Variants in CDKN2AIP observed in about 807,000 individuals in gnomAD.
CDKN2AIP encodes the protein CDKN2A interacting protein, also known as CDKN2A-interacting protein.
In CDKN2AIP, 12 loss-of-function variants were observed where a neutral mutation model predicts 44.1. That is an observed-to-expected ratio of 0.27 (90% CI 0.17 to 0.44). The LOEUF is 0.44. Ranked by LOEUF, CDKN2AIP falls within the 20% of genes least tolerant of loss-of-function variation. The probability of loss-of-function intolerance (pLI) is 1.00; values close to 1 mark genes in which losing one functional copy is unlikely to be tolerated. For missense variants in CDKN2AIP, 705 were observed against 681.6 expected (o/e 1.03, Z -0.38); for synonymous variants, 291 against 272.1 (o/e 1.07, Z -0.68).
In CDKN2AIP at chr4:183,444,956, C is replaced by G; in HGVS notation, c.159C>G (p.Ala53=). The G allele has an allele frequency of 6.2e-7, 1 of 1,611,628 alleles. No individual in the cohort carries two copies. Among genetic ancestry groups the G allele is most frequent in the Non-Finnish European group, 8.5e-7 (1 of 1,179,018 alleles). Residue 53 remains alanine (A), a synonymous_variant, in exon 1 of 3, where the codon GCC becomes GCG. Transcript: ENST00000504169. ...AGDLAPAGGA[A]SASTDEAADA... ...ACCTGGCCCCCGCTGGCGGCGCTGCCTCCGCTAGCACGGATGAAGCTGCCG... is the reference window on the plus strand; with the variant it reads ...ACCTGGCCCCCGCTGGCGGCGCTGCGTCCGCTAGCACGGATGAAGCTGCCG...
rs369817257 is a variant in CDKN2AIP, at chr4:183,444,677, T to G, written c.-121T>G. On this transcript the variant is annotated 5_prime_UTR_variant, in exon 1 of 3. Transcript: ENST00000504169. Reference sequence around the variant, plus strand: ...GCTCTGGGCGCTGTTGTTTGGTCTTTAGGCCTGCGGAGGGGCGTTATCTGG... The same window carrying G: ...GCTCTGGGCGCTGTTGTTTGGTCTTGAGGCCTGCGGAGGGGCGTTATCTGG... 9.9e-7 allele frequency: 1 copy of G among 1,008,762 alleles called. No individual in the cohort carries two copies. Among genetic ancestry groups the G allele is most frequent in the Non-Finnish European group, 1.4e-6 (1 of 720,676 alleles). 62.5% of individuals were successfully genotyped at this position (1,008,762 alleles called of 1,614,324 possible).
At position 183,444,847 on chromosome 4, in the gene CDKN2AIP, C is replaced by T. The variant is rs1356372277; in HGVS notation, c.50C>T (p.Ala17Val). 4 of 1,571,486 alleles carry T rather than the reference C, an allele frequency of 2.5e-6. No individual in the cohort carries two copies. The highest frequency in any genetic ancestry group is 2.3e-5 in the East Asian group (1 of 42,644). Residue 17 changes from alanine to valine, a missense_variant, in exon 1 of 3, where the codon GCC (alanine) becomes GTC (valine). By Grantham distance (64) the Ala-to-Val change is moderately conservative (BLOSUM62 0). Transcript: ENST00000504169. Reference protein sequence around the residue: ...EYLSQNPRVAAWVEALRCDGE... With the variant: ...EYLSQNPRVAVWVEALRCDGE... ...CTGAGCCAGAACCCGCGGGTGGCAG[C>T]CTGGGTGGAGGCGCTGCGCTGCGAC...
At position 183,444,661 on chromosome 4, in the gene CDKN2AIP, G is replaced by T; in HGVS notation, c.-137G>T. ...AGTGGGCGGTTCGGCGGCTCTGGGC[G>T]CTGTTGTTTGGTCTTTAGGCCTGCG... On this transcript the variant is annotated 5_prime_UTR_variant, in exon 1 of 3. Coordinates refer to ENST00000504169, the MANE Select transcript of CDKN2AIP (RefSeq NM_017632.4). The T allele has an allele frequency of 1.3e-6, 1 of 784,212 alleles. No individual in the cohort carries two copies. The highest frequency in any genetic ancestry group is 3.3e-5 in the East Asian group (1 of 30,522). 48.6% of individuals were successfully genotyped at this position (784,212 alleles called of 1,614,324 possible). A position where few individuals can be genotyped will look rare whatever the true frequency, so the allele number is the denominator to read the frequency against.
In CDKN2AIP at chr4:183,447,396, C is replaced by T; in HGVS notation, c.1712C>T (p.Pro571Leu). 1 of 1,545,952 alleles carries T rather than the reference C, an allele frequency of 6.5e-7. No homozygotes were observed. Among genetic ancestry groups the T allele is most frequent in the Non-Finnish European group, 8.7e-7 (1 of 1,151,040 alleles). Residue 571 changes from proline to leucine, a missense_variant, in exon 3 of 3, where the codon CCA (proline) becomes CTA (leucine). Transcript: ENST00000504169. ...DEESRPVNLPPALKHPQELL is the reference protein window; with the variant it reads ...DEESRPVNLPLALKHPQELL ...GAATCGAGGCCTGTAAACTTACCTC[C>T]AGCACTAAAACATCCTCAAGAATTA...
rs772109766 is a variant in CDKN2AIP at position 183,444,970 on chromosome 4, A to T, written c.173A>T (p.Asp58Val). ...GGCGGCGCTGCCTCCGCTAGCACGG[A>T]TGAAGCTGCCGACGCCGAGAGCGGG... ...PAGGAASAST[D>V]EAADAESGTR... Residue 58 changes from aspartate (D) to valine (V), a missense_variant, in exon 1 of 3, where the codon GAT becomes GTT. Physicochemically the swap from Asp to Val is radical, Grantham distance 152. This residue lies in a region of CDKN2AIP where 592 missense variants were observed against 518.0 expected (regional missense o/e 1.14). Transcript: ENST00000504169. The T allele has an allele frequency of 6.2e-7, 1 of 1,610,214 alleles. No individual in the cohort carries two copies. Among genetic ancestry groups the T allele is most frequent in the Admixed American group, 1.7e-5 (1 of 59,916 alleles).
chr4:183,445,584 A>T lies in CDKN2AIP; in HGVS notation c.322A>T (p.Lys108Ter). The change falls in exon 2 of 3, where the codon AAA (lysine) becomes TAA (stop). Residue 108 changes from lysine (K) to a stop codon, truncating the protein, a stop_gained. Coordinates refer to ENST00000504169, the MANE Select transcript of CDKN2AIP (RefSeq NM_017632.4). LOFTEE classifies it high-confidence loss of function. Reference protein sequence around the residue: ...DKILSMAEGIKVTDAPTYTTR... With the variant: ...DKILSMAEGI ...AATACTTAGTATGGCTGAAGGCATC[A>T]AAGTGACAGATGCTCCAACCTATAC... The T allele has an allele frequency of 6.2e-7, 1 of 1,608,314 alleles. No individual in the cohort carries two copies. Among genetic ancestry groups the T allele is most frequent in the Non-Finnish European group, 8.5e-7 (1 of 1,174,688 alleles).
At position 183,445,050 on chromosome 4, in the gene CDKN2AIP, C is replaced by T. The variant is rs1395002465; in HGVS notation, c.253C>T (p.His85Tyr). ...LISFSMAWAN[H>Y]VFLGCRYPQK... Reference sequence around the variant, plus strand: ...CTCCTTTTCCATGGCCTGGGCGAACCACGTCTTCCTCGGGTGCCGGTGAGT... The same window carrying T: ...CTCCTTTTCCATGGCCTGGGCGAACTACGTCTTCCTCGGGTGCCGGTGAGT... Residue 85 changes from histidine (H) to tyrosine (Y), a missense_variant, in exon 1 of 3, where the codon CAC becomes TAC. By Grantham distance (83) the His-to-Tyr change is moderately conservative. Transcript: ENST00000504169. 3.8e-6 allele frequency: 6 copies of T among 1,587,852 alleles called. No individual in the cohort carries two copies. Among genetic ancestry groups the T allele is most frequent in the African/African-American group, 1.3e-5 (1 of 74,354 alleles).
chr4:183,446,461 C>T lies in CDKN2AIP; in HGVS notation c.777C>T (p.Ser259=). The T allele has an allele frequency of 6.2e-7, 1 of 1,613,908 alleles. No homozygotes were observed. The highest frequency in any genetic ancestry group is 8.5e-7 in the Non-Finnish European group (1 of 1,179,782). The change falls in exon 3 of 3, where the codon TCC becomes TCT. Residue 259 remains serine, a synonymous_variant. Transcript: ENST00000504169. Reference sequence around the variant, plus strand: ...GTGTGAATAGTCACATGACCCAATCCACTGATTCTAGACAACAAAGTGGAT... The same window carrying T: ...GTGTGAATAGTCACATGACCCAATCTACTGATTCTAGACAACAAAGTGGAT... ...KSSVNSHMTQ[S]TDSRQQSGSP...
At position 183,444,748 on chromosome 4, in the gene CDKN2AIP, A is replaced by C. The variant is rs768453921; in HGVS notation, c.-50A>C. 4.1e-6 allele frequency: 6 copies of C among 1,469,110 alleles called. No individual in the cohort carries two copies. Among genetic ancestry groups the C allele is most frequent in the African/African-American group, 1.4e-5 (1 of 70,434 alleles). The allele number at this position is 1,469,110 out of a possible 1,614,324, so 91.0% of individuals were successfully genotyped here. A position where few individuals can be genotyped will look rare whatever the true frequency, so the allele number is the denominator to read the frequency against. On this transcript the variant is annotated 5_prime_UTR_variant, in exon 1 of 3. Transcript: ENST00000504169. ...CAGTGACAGGGCCGCTCGCCCCGCTAGTCCTGCCTGTCTCCCGGTGCAGCT... is the reference window on the plus strand; with the variant it reads ...CAGTGACAGGGCCGCTCGCCCCGCTCGTCCTGCCTGTCTCCCGGTGCAGCT...
Position 183,447,419 on chromosome 4 carries a change from T to C in CDKN2AIP, c.1735T>C (p.Leu579=). The change falls in exon 3 of 3, where the codon TTA becomes CTA. Residue 579 remains leucine, a synonymous_variant. Coordinates refer to ENST00000504169, the MANE Select transcript of CDKN2AIP (RefSeq NM_017632.4). The part of the protein sequence containing the change: ...LPPALKHPQE[L]L ...TCCAGCACTAAAACATCCTCAAGAATTACTATAATGTGTCCAAAATATCAC... is the reference window on the plus strand; with the variant it reads ...TCCAGCACTAAAACATCCTCAAGAACTACTATAATGTGTCCAAAATATCAC... The C allele has an allele frequency of 6.5e-7, 1 of 1,531,112 alleles. No individual in the cohort carries two copies. The highest frequency in any genetic ancestry group is 1.3e-5 in the South Asian group (1 of 76,010). The allele number at this position is 1,531,112 out of a possible 1,614,324, so 94.8% of individuals were successfully genotyped here.
chr4:183,446,030 A>C, intron 2 of CDKN2AIP, 58 bp from the exon 3 acceptor site: 2 of 1,360,446 alleles, frequency 1.5e-6, no homozygotes, highest in Non-Finnish European at 2.0e-6. Flanking sequence ...TATTTGTCTC[A>C]TCACCCGTTT....
At chr4:183,445,487 G>A (rs904423312) in intron 1 of CDKN2AIP, 48 bp from the exon 2 acceptor site, 2 of 1,279,050 alleles carry the variant, frequency 1.6e-6, no homozygotes, top group Non-Finnish European at 2.2e-6. Context: ...GCACAAGTAG[G>A]ACCTTAGAAA....
In CDKN2AIP at chr4:183,447,005, A is replaced by G. The variant is rs765276188; in HGVS notation, c.1321A>G (p.Asn441Asp). Residue 441 changes from asparagine to aspartate, a missense_variant, in exon 3 of 3, where the codon AAT (asparagine) becomes GAT (aspartate). Coordinates refer to ENST00000504169, the MANE Select transcript of CDKN2AIP (RefSeq NM_017632.4). ...TGTGAAACAGAAGCAACCTTTTTTCAATAGACTATATAAAACGGTGGCATG... is the reference window on the plus strand; with the variant it reads ...TGTGAAACAGAAGCAACCTTTTTTCGATAGACTATATAAAACGGTGGCATG... ...EDVKQKQPFF[N>D]RLYKTVAWKL... 1.2e-6 allele frequency: 2 copies of G among 1,614,120 alleles called. No individual in the cohort carries two copies. The highest frequency in any genetic ancestry group is 1.1e-5 in the South Asian group (1 of 91,070).
At chr4:183,445,129 G>GGCCCGGC in intron 1 of CDKN2AIP, 60 bp downstream of exon 1, 1 of 1,512,014 alleles carries the variant, frequency 6.6e-7, no homozygotes, top group Non-Finnish European at 8.9e-7. Flanking sequence ...TGCAGACCGG[G>GGCCCGGC]GCCCGGCGCC....
chr4:183,444,638 TG>T lies in CDKN2AIP; in HGVS notation c.-157del. The stretch of plus-strand genomic sequence containing the variant: ...GGAAGAAGCCGGCGGTGGGCGGAAG[TG>T]GGCGGTTCGGCGGCTCTGGGCGCTG... On this transcript the variant is annotated 5_prime_UTR_variant, in exon 1 of 3. Transcript: ENST00000504169. The T allele has an allele frequency of 1.8e-6, 1 of 565,766 alleles. No individual in the cohort carries two copies. Among genetic ancestry groups the T allele is most frequent in the Non-Finnish European group, 2.8e-6 (1 of 355,010 alleles). The allele number at this position is 565,766 out of a possible 1,614,324, so 35.0% of individuals were successfully genotyped here. A position where few individuals can be genotyped will look rare whatever the true frequency, so the allele number is the denominator to read the frequency against.
chr4:183,446,319 G>C lies in CDKN2AIP; in HGVS notation c.635G>C (p.Ser212Thr), dbSNP rs1733676378. The C allele has an allele frequency of 3.1e-6, 5 of 1,614,098 alleles. No individual in the cohort carries two copies. Among genetic ancestry groups the C allele is most frequent in the Non-Finnish European group, 4.2e-6 (5 of 1,180,046 alleles). Residue 212 changes from serine to threonine, a missense_variant, in exon 3 of 3, where the codon AGC (serine) becomes ACC (threonine). Ser to Thr is a moderately conservative substitution (Grantham distance 58). Around this residue, in one of 2 missense-constraint regions of CDKN2AIP, gnomAD observed 592 missense variants for 518.0 expected, o/e 1.14. Coordinates refer to ENST00000504169, the MANE Select transcript of CDKN2AIP (RefSeq NM_017632.4). ...AGTGATGGAGATCGATCTGTTTCCAGCCAAAGCAGCAGCAGCGTTTCCTCT... is the reference window on the plus strand; with the variant it reads ...AGTGATGGAGATCGATCTGTTTCCACCCAAAGCAGCAGCAGCGTTTCCTCT... ...STSDGDRSVSSQSSSSVSSQV... is the reference protein window; with the variant it reads ...STSDGDRSVSTQSSSSVSSQV...
chr4:183,446,669 GT>G lies in CDKN2AIP; in HGVS notation c.988del (p.Ser330HisfsTer16). On this transcript the variant is annotated frameshift_variant, in exon 3 of 3. Transcript: ENST00000504169. LOFTEE classifies it high-confidence loss of function. ...LTSKTSSEASVSSSVAKNSSS... is the reference protein window; with the variant it reads ...LTSKTSSEASXSSSVAKNSSS... The stretch of plus-strand genomic sequence containing the variant: ...TTCCAAAACTAGTTCAGAGGCAAGT[GT>G]TTCATCATCAGTTGCTAAAAACAGT... The G allele has an allele frequency of 6.2e-7, 1 of 1,614,174 alleles. No individual in the cohort carries two copies. The highest frequency in any genetic ancestry group is 8.5e-7 in the Non-Finnish European group (1 of 1,179,988).
Position 183,445,032 on chromosome 4 carries a change from TC to T in CDKN2AIP, c.237del (p.Met80TrpfsTer30), listed in dbSNP as rs1388395045. On this transcript the variant is annotated frameshift_variant, in exon 1 of 3. Transcript: ENST00000504169. LOFTEE classifies it high-confidence loss of function. ...NRQLQQLISF[S>X]MAWANHVFLG... ...GCAGCTGCAGCAGCTCATCTCCTTT[TC>T]CATGGCCTGGGCGAACCACGTCTTC... 5.0e-6 allele frequency: 8 copies of T among 1,602,404 alleles called. No individual in the cohort carries two copies. Among genetic ancestry groups the T allele is most frequent in the Non-Finnish European group, 6.0e-6 (7 of 1,171,496 alleles).
At chr4:183,445,262 G>C (rs1414947332) in intron 1 of CDKN2AIP, 193 bp downstream of exon 1, 1 of 693,864 alleles carries the variant, frequency 1.4e-6, no homozygotes, top group African/African-American at 1.8e-5. Context: ...CCGGACGTCT[G>C]TGTGCCCGGT....
Sources: allele counts gnomAD v4.1 joint callset, GRCh38; gene constraint gnomAD v4.1.1; regional missense constraint gnomAD v4.1.1; transcripts MANE v1.5; gene names NCBI Gene and HGNC (gene_info 2026-07-23, HGNC 2026-07-21).